Variants in WNT9B observed in about 807,000 individuals in gnomAD.
The protein encoded by WNT9B is protein Wnt-9b.
A neutral mutation model predicts 30.2 loss-of-function variants in WNT9B; 12 were observed. The observed-to-expected ratio is 0.40, with a 90% CI of 0.26 to 0.64. The LOEUF is 0.64. WNT9B is among the 30% of genes least tolerant of loss of function. The pLI, the probability that WNT9B is intolerant of heterozygous loss-of-function variation, is 0.42. For missense variants in WNT9B, 442 were observed against 485.2 expected (o/e 0.91, Z 0.84); for synonymous variants, 218 against 216.9 (o/e 1.01, Z -0.05).
chr17:46,851,867 A>T lies in WNT9B; in HGVS notation c.77+152A>T, dbSNP rs1277211800. The T allele has an allele frequency of 5.2e-6, 2 of 387,584 alleles. No individual in the cohort carries two copies. Among genetic ancestry groups the T allele is most frequent in the Non-Finnish European group, 9.0e-6 (2 of 223,042 alleles). The allele number at this position is 387,584 out of a possible 1,614,324, so 24.0% of individuals were successfully genotyped here. On this transcript the variant is annotated intron_variant, in intron 1 of 3. Transcript: ENST00000290015. The surrounding 1 kb of genome is among the most constrained non-coding windows in gnomAD (Gnocchi z 4.3). ...CCCGGCGCGACCCAACCCACTTCGC[A>T]GTCGGAGTTCGCGCCCTGAGTTCGG... is the stretch of plus-strand genomic sequence containing the variant.
rs549328709 is a variant in WNT9B at position 46,843,480 on chromosome 17, A to G, written c.95+10040A>G. ...CAAAATCCAGCTCAAACATTGCTGC[A>G]TCTCAGTTGCCATTGTCTTAGCTAC... On this transcript the variant is annotated intron_variant, in intron 1 of 2. Transcript: ENST00000575372. 3.2e-4 allele frequency among the ~76,000 whole-genome samples: 49 copies of G among 152,252 alleles called. No homozygotes were observed. The South Asian group carries it at 9.7e-3, about 30-fold the overall frequency.
chr17:46,840,011 C>CTTT (rs1259217136), intron 1 of WNT9B, among the ~76,000 whole-genome samples: 1 of 82,940 alleles, frequency 1.2e-5, no homozygotes, highest in East Asian at 7.3e-4. Flanking sequence ...TTCTTTCTTT[C>CTTT]TTTCTTTCTT....
At chr17:46,865,827 G>T (rs1265158981) in intron 1 of WNT9B, among the ~76,000 whole-genome samples, 1 of 152,136 alleles carries the variant, frequency 6.6e-6, no homozygotes, top group African/African-American at 2.4e-5. Context: ...GCCCAGGCTG[G>T]TTTTGAACTC....
At chr17:46,881,597 T>G (rs2085423623), downstream of WNT9B, among the ~76,000 whole-genome samples, 4 of 152,298 alleles carry the variant, frequency 2.6e-5, no homozygotes, top group South Asian at 6.2e-4. Context: ...CCTGCCCTCA[T>G]CTGAGCCTTA....
In WNT9B at chr17:46,875,367, G is replaced by A; in HGVS notation, c.600+1G>A. The A allele has an allele frequency of 6.3e-7, 1 of 1,596,888 alleles. No individual in the cohort carries two copies. The highest frequency in any genetic ancestry group is 8.6e-7 in the Non-Finnish European group (1 of 1,169,000). ...CCACAATACCCACGTGGGCATCAAG[G>A]TGAGCATGTCCCTGGCTGCCCGCAG... On this transcript the variant is annotated splice_donor_variant, in intron 3 of 3. Coordinates refer to ENST00000290015, the MANE Select transcript of WNT9B (RefSeq NM_003396.3). LOFTEE classifies it high-confidence loss of function.
At chr17:46,862,610 T>C (rs2085059970) in intron 1 of WNT9B, among the ~76,000 whole-genome samples, 1 of 151,880 alleles carries the variant, frequency 6.6e-6, no homozygotes, top group Non-Finnish European at 1.5e-5. Context: ...TGAGACGGAG[T>C]CTTGCTCTGT....
intron 1 of WNT9B, among the ~76,000 whole-genome samples, chr17:46,834,978 TCTTCTCCTTCTC>T (rs372720652): frequency 1.7e-4 from 26 of 151,866 alleles, no homozygotes; most frequent in African/African-American, 6.3e-4. Flanking sequence ...TCTCTCTTCT[TCTTCTCCTTCTC>T]CTTCTCCTTC....
chr17:46,846,192 G>A (rs1013207252), intron 1 of WNT9B, among the ~76,000 whole-genome samples: 3 of 152,142 alleles, frequency 2.0e-5, no homozygotes, highest in African/African-American at 7.2e-5. Context: ...AGTTTCAACC[G>A]TTTCAGTACA....
chr17:46,846,596 C>T (rs1157913837), upstream of WNT9B, among the ~76,000 whole-genome samples: 1 of 152,234 alleles, frequency 6.6e-6, no homozygotes, highest in Non-Finnish European at 1.5e-5. Flanking sequence ...TCCAGCTGCC[C>T]TTGGCCACAG....
chr17:46,833,999 C>G (rs2084590947), intron 1 of WNT9B, among the ~76,000 whole-genome samples: 1 of 151,994 alleles, frequency 6.6e-6, no homozygotes, highest in South Asian at 2.1e-4. Context: ...AGTTTGAGAC[C>G]AACCTGGGCA....
downstream of WNT9B, among the ~76,000 whole-genome samples, chr17:46,880,792 C>T (rs2085412985): frequency 1.3e-5 from 2 of 152,180 alleles, no homozygotes; most frequent in Admixed American, 1.3e-4. Flanking sequence ...TCTGGGTAAA[C>T]TAAGGCCTAG....
downstream of WNT9B, among the ~76,000 whole-genome samples, chr17:46,882,682 C>T (rs1418458041): frequency 6.6e-6 from 1 of 152,146 alleles, no homozygotes; most frequent in East Asian, 1.9e-4. Flanking sequence ...TTCTTGACTT[C>T]GCTCCATCTC....
downstream of WNT9B, among the ~76,000 whole-genome samples, chr17:46,882,046 T>C (rs751219271): frequency 6.6e-6 from 1 of 152,148 alleles, no homozygotes; most frequent in Non-Finnish European, 1.5e-5. Flanking sequence ...ATCCCAGCGA[T>C]TGGAGAGGCC....
chr17:46,879,709 G>A lies in WNT9B; in HGVS notation c.*2991G>A, dbSNP rs372225661. The stretch of plus-strand genomic sequence containing the variant: ...CATCTCCATAGACCAGGCACTACGG[G>A]CTGACCTGCTCTGAGCCCAGGAGCC... On this transcript the variant is annotated 3_prime_UTR_variant, in exon 4 of 4. Transcript: ENST00000290015. Among the ~76,000 whole-genome samples the A allele has an allele frequency of 1.3e-5, 2 of 152,188 alleles. No homozygotes were observed. The highest frequency in any genetic ancestry group is 2.4e-5 in the African/African-American group (1 of 41,442).
Position 46,872,712 on chromosome 17 carries a change from T to C in WNT9B, c.273T>C (p.Phe91=). ...ACCTCGGCCTGCTTGAGTGCCAGTT[T>C]CAGTTCCGGCATGAGCGCTGGAACT... ...AAHLGLLECQ[F]QFRHERWNCS... is the part of the protein sequence containing the mutation. The change falls in exon 2 of 4, where the codon TTT becomes TTC. Residue 91 remains phenylalanine, a synonymous_variant. Transcript: ENST00000290015. 1 of 1,612,586 alleles carries C rather than the reference T, an allele frequency of 6.2e-7. No individual in the cohort carries two copies. The highest frequency in any genetic ancestry group is 2.2e-5 in the East Asian group (1 of 44,818).
Position 46,878,909 on chromosome 17 carries a change from T to C in WNT9B, c.*2191T>C, listed in dbSNP as rs768857188. 2.8e-4 allele frequency among the ~76,000 whole-genome samples: 43 copies of C among 152,176 alleles called. No homozygotes were observed. Among genetic ancestry groups the C allele is most frequent in the Admixed American group, 5.9e-4 (9 of 15,276 alleles). On this transcript the variant is annotated 3_prime_UTR_variant, in exon 4 of 4. Coordinates refer to ENST00000290015, the MANE Select transcript of WNT9B (RefSeq NM_003396.3). ...CAGGTTCTGAGGGCTCCTTGGCTTG[T>C]GGGGTCTTCTCTGTCTGTCTCTCTC... is the stretch of plus-strand genomic sequence containing the variant.
At chr17:46,861,271 A>G (rs2085032630) in intron 1 of WNT9B, among the ~76,000 whole-genome samples, 1 of 152,076 alleles carries the variant, frequency 6.6e-6, no homozygotes, top group African/African-American at 2.4e-5. Context: ...TCAGGTCTTC[A>G]ATTCACTTGT....
At chr17:46,869,116 A>G (rs1297734316) in intron 1 of WNT9B, among the ~76,000 whole-genome samples, 1 of 152,176 alleles carries the variant, frequency 6.6e-6, no homozygotes, top group East Asian at 1.9e-4. Flanking sequence ...CTTTGAGAGC[A>G]GCCCTGGGCA....
chr17:46,834,338 C>A (rs988894792), intron 1 of WNT9B, among the ~76,000 whole-genome samples: 1 of 152,100 alleles, frequency 6.6e-6, no homozygotes, highest in African/African-American at 2.4e-5. Context: ...TGGGTCTGAT[C>A]GCAGGAGGGA....
Sources: allele counts gnomAD v4.1 joint callset (sites outside exome capture counted in the v4.1 genomes callset), GRCh38; gene constraint gnomAD v4.1.1; non-coding constraint Gnocchi (gnomAD v3.1); transcripts MANE v1.5; gene names NCBI Gene and HGNC (gene_info 2026-07-23, HGNC 2026-07-21).